CSMD1: variants seen among roughly 807,000 people sequenced by gnomAD.
CSMD1 encodes CUB and sushi domain-containing protein 1.
Under a neutral mutation model 417.5 loss-of-function variants are expected in CSMD1, and 213 were observed. The observed-to-expected ratio is 0.51, with a 90% CI of 0.46 to 0.57. The LOEUF (loss-of-function observed/expected upper bound fraction) is 0.57, where lower values mean the gene tolerates loss of function less well. CSMD1 is among the 20% of genes least tolerant of loss of function. The probability of loss-of-function intolerance (pLI) is 0.00; values close to 1 mark genes in which losing one functional copy is unlikely to be tolerated. For synonymous variants in CSMD1, 2,862 were observed against 1,736.8 expected (o/e 1.65, Z -16.11); for missense variants, 6,923 against 4,529.7 (o/e 1.53, Z -15.17).
rs551838422 is a variant in CSMD1 at position 4,139,212 on chromosome 8, G to C, written c.416-107113C>G. Among the ~76,000 whole-genome samples the C allele has an allele frequency of 8.5e-5, 13 of 152,314 alleles. No homozygotes were observed. The South Asian group carries it at 2.3e-3, about 27-fold the overall frequency. ...GTTTCAGTATCTTCCTGGAAAATAAGAGTGTCCTAGTGGTGCTTTAAAGGC... is the reference window on the plus strand; with the variant it reads ...GTTTCAGTATCTTCCTGGAAAATAACAGTGTCCTAGTGGTGCTTTAAAGGC... On this transcript the variant is annotated intron_variant, in intron 3 of 69. Coordinates refer to ENST00000635120, the MANE Select transcript of CSMD1 (RefSeq NM_033225.6).
intron 3 of CSMD1, among the ~76,000 whole-genome samples, chr8:4,121,333 T>C (rs1038528955): frequency 6.6e-6 from 1 of 152,120 alleles, no homozygotes; most frequent in Non-Finnish European, 1.5e-5. Context: ...CAGGCTGGTC[T>C]CAAACTCCTG....
chr8:4,880,737 G>C (rs1803343024), intron 1 of CSMD1, among the ~76,000 whole-genome samples: 2 of 151,490 alleles, frequency 1.3e-5, no homozygotes, highest in South Asian at 4.3e-4. Flanking sequence ...TCCATGATAA[G>C]ATGAGTTGGA....
chr8:4,633,690 G>A (rs1370258481), intron 2 of CSMD1, among the ~76,000 whole-genome samples: 1 of 152,100 alleles, frequency 6.6e-6, no homozygotes, highest in African/African-American at 2.4e-5. Context: ...CCGAGTAGCT[G>A]GACTTACAGA....
At chr8:3,726,455 T>C (rs758193451) in intron 6 of CSMD1, among the ~76,000 whole-genome samples, 11 of 152,194 alleles carry the variant, frequency 7.2e-5, no homozygotes, top group Non-Finnish European at 1.2e-4. Flanking sequence ...TCAGCAGGTA[T>C]TGAATGTGTA....
chr8:4,032,485 G>A (rs1259444240), intron 3 of CSMD1, among the ~76,000 whole-genome samples: 1 of 152,122 alleles, frequency 6.6e-6, no homozygotes, highest in Admixed American at 6.5e-5. Flanking sequence ...CTAAAACAGT[G>A]GCATAAGAAA....
intron 1 of CSMD1, among the ~76,000 whole-genome samples, chr8:4,991,170 G>C (rs75815809): frequency 6.6e-6 from 1 of 152,070 alleles, no homozygotes; most frequent in Non-Finnish European, 1.5e-5. Context: ...CCGGGTAAAG[G>C]GGCAGATACG....
chr8:4,542,877 T>G (rs1797459437), intron 2 of CSMD1, among the ~76,000 whole-genome samples: 1 of 152,192 alleles, frequency 6.6e-6, no homozygotes, highest in Admixed American at 6.6e-5. Flanking sequence ...TCTATCACTC[T>G]AATAGAAATA....
rs148272965 is a variant in CSMD1 at position 4,453,974 on chromosome 8, A to T, written c.303-33909T>A. On this transcript the variant is annotated intron_variant, in intron 2 of 69. Transcript: ENST00000635120. ...GTAGCTGGGACTACAGGCGCCCGCC[A>T]CCGCGCCCGGCTAATTTTTTGTATT... Among the ~76,000 whole-genome samples the T allele has an allele frequency of 3.2e-3, 481 of 151,076 alleles. 1 individual carries two copies. Among genetic ancestry groups the T allele is most frequent in the African/African-American group, 0.011 (456 of 41,256 alleles).
intron 3 of CSMD1, among the ~76,000 whole-genome samples, chr8:4,244,786 TTATACGTATGTATAAAATATGTGTA>T (rs1802603843): frequency 6.6e-6 from 1 of 152,188 alleles, no homozygotes; most frequent in Admixed American, 6.5e-5. Flanking sequence ...AAGGGATATT[TTATACGTATGTATAAAATATGTGTA>T]TATATGTATG....
At chr8:3,359,043 C>G (rs564121955) in intron 21 of CSMD1, 109 bp downstream of exon 21, 330 of 1,004,650 alleles carry the variant, frequency 3.3e-4, no homozygotes, top group Middle Eastern at 1.9e-3. Flanking sequence ...CTTTCACCCT[C>G]TCCTTCCTTG....
chr8:3,385,738 A>C (rs978044206), intron 18 of CSMD1, among the ~76,000 whole-genome samples: 8 of 152,140 alleles, frequency 5.3e-5, no homozygotes, highest in African/African-American at 1.7e-4. Context: ...CTTAAAGTTT[A>C]ATGTAAAAAA....
At chr8:4,912,138 A>G (rs112288341) in intron 1 of CSMD1, among the ~76,000 whole-genome samples, 20 of 131,388 alleles carry the variant, frequency 1.5e-4, no homozygotes, top group African/African-American at 3.5e-4. Flanking sequence ...AAAAAAAAAA[A>G]AAAGAAAGAA....
At chr8:4,248,290 A>ATT (rs2128828632) in intron 3 of CSMD1, among the ~76,000 whole-genome samples, 1 of 152,274 alleles carries the variant, frequency 6.6e-6, no homozygotes, top group African/African-American at 2.4e-5. Flanking sequence ...CTTTATACAA[A>ATT]CAATCTGAAT....
intron 3 of CSMD1, among the ~76,000 whole-genome samples, chr8:4,100,849 C>G (rs1030571332): frequency 6.6e-6 from 1 of 152,056 alleles, no homozygotes; most frequent in African/African-American, 2.4e-5. Flanking sequence ...GCAAGAGCCT[C>G]AGAGACTTAA....
intron 8 of CSMD1, among the ~76,000 whole-genome samples, chr8:3,597,422 T>TATGATCAGATGACCA (rs11271261): frequency 6.6e-6 from 1 of 151,776 alleles, no homozygotes; most frequent in African/African-American, 2.4e-5. Context: ...AGTAGGGAAC[T>TATGATCAGATGACCA]ACTTTCAATG....
intron 49 of CSMD1, among the ~76,000 whole-genome samples, chr8:3,072,895 C>A (rs1174844598): frequency 2.0e-5 from 3 of 152,036 alleles, no homozygotes; most frequent in Non-Finnish European, 4.4e-5. Context: ...CAGAGTAATG[C>A]AAAACCCAGT....
At position 3,246,862 on chromosome 8, in the gene CSMD1, G is replaced by A. The variant is rs866819475; in HGVS notation, c.4154-16631C>T. On this transcript the variant is annotated intron_variant, in intron 26 of 69. Transcript: ENST00000635120. ...TGTCTTTCATGGTGCCATTTTAGCGGTTGATTAAAAATTTTTGGAATTAGA... is the reference window on the plus strand; with the variant it reads ...TGTCTTTCATGGTGCCATTTTAGCGATTGATTAAAAATTTTTGGAATTAGA... Among the ~76,000 whole-genome samples, 3 of 152,232 alleles carry A rather than the reference G, an allele frequency of 2.0e-5. No homozygotes were observed. In the South Asian group the frequency reaches 6.2e-4, roughly 32 times the overall value.
intron 52 of CSMD1, among the ~76,000 whole-genome samples, chr8:3,001,962 T>C (rs1807441613): frequency 6.6e-6 from 1 of 152,210 alleles, no homozygotes; most frequent in African/African-American, 2.4e-5. Flanking sequence ...TGTTCTCCTA[T>C]TTTGGAGAAC....
At chr8:4,834,340 G>A (rs2116734218) in intron 1 of CSMD1, among the ~76,000 whole-genome samples, 1 of 152,252 alleles carries the variant, frequency 6.6e-6, no homozygotes, top group African/African-American at 2.4e-5. Flanking sequence ...TTACTTGATG[G>A]CAAGAACGCA....
Sources: gnomAD v4.1 joint callset for allele counts (sites outside exome capture counted in the v4.1 genomes callset) on GRCh38, gnomAD v4.1.1 for gene constraint, MANE v1.5 for transcripts, NCBI Gene and HGNC (gene_info 2026-07-23, HGNC 2026-07-21) for gene names.